Variants in PTGER3 observed in about 807,000 individuals in gnomAD.
The protein encoded by PTGER3 is prostaglandin E2 receptor EP3 subtype.
In PTGER3, 22 loss-of-function variants were observed where a neutral mutation model predicts 34.7. The ratio of observed to expected loss-of-function variants is 0.63; its 90% CI spans 0.45 to 0.91. PTGER3 has a LOEUF of 0.91. Ranked by LOEUF, PTGER3 falls within the 40% of genes least tolerant of loss-of-function variation. PTGER3 has a pLI of 0.00. For missense variants in PTGER3, 468 were observed against 519.4 expected (o/e 0.90, Z 0.96); for synonymous variants, 241 against 230.1 (o/e 1.05, Z -0.43).
intron 1 of PTGER3, among the ~76,000 whole-genome samples, chr1:71,043,922 T>C (rs983730504): frequency 6.6e-6 from 1 of 151,184 alleles, no homozygotes; most frequent in Non-Finnish European, 1.5e-5. Flanking sequence ...GCCTAAGTAA[T>C]TCTCCTGCAT....
At chr1:70,856,580 T>C (rs763035869) in intron 4 of PTGER3, among the ~76,000 whole-genome samples, 22 of 152,306 alleles carry the variant, frequency 1.4e-4, no homozygotes, top group Non-Finnish European at 2.5e-4. Context: ...AGAAATTTGC[T>C]CTGTAATTTT....
In PTGER3 at chr1:71,020,032, A is replaced by G. The variant is rs545420200; in HGVS notation, c.898-7548T>C. ...CCCTATAATTTGATAAGTGTATTTC[A>G]TCATAATACACTAAAACCAGTCTGG... On this transcript the variant is annotated intron_variant, in intron 1 of 3. Transcript: ENST00000306666. Among the ~76,000 whole-genome samples the G allele has an allele frequency of 1.4e-4, 22 of 152,322 alleles. No homozygotes were observed. The South Asian group carries it at 4.2e-3, about 29-fold the overall frequency.
Position 70,971,540 on chromosome 1 carries a change from T to G in PTGER3, c.*190A>C. 2 of 1,238,272 alleles carry G rather than the reference T, an allele frequency of 1.6e-6. No individual in the cohort carries two copies. The highest frequency in any genetic ancestry group is 2.0e-6 in the Non-Finnish European group (2 of 983,282). The allele number at this position is 1,238,272 out of a possible 1,614,324, so 76.7% of individuals were successfully genotyped here. ...CCCATCCAAGAAACCAATCTAATATTCAGAGGCATGGATTATAATAATAAA... is the reference window on the plus strand; with the variant it reads ...CCCATCCAAGAAACCAATCTAATATGCAGAGGCATGGATTATAATAATAAA... On this transcript the variant is annotated 3_prime_UTR_variant, in exon 4 of 4. Transcript: ENST00000306666.
At chr1:70,905,199 C>G (rs1646918964) in intron 4 of PTGER3, among the ~76,000 whole-genome samples, 1 of 152,122 alleles carries the variant, frequency 6.6e-6, no homozygotes, top group Non-Finnish European at 1.5e-5. Flanking sequence ...TGTATGGAAA[C>G]ACCTGGATGC....
chr1:71,037,321 G>A (rs1042199585), intron 1 of PTGER3, among the ~76,000 whole-genome samples: 3 of 152,304 alleles, frequency 2.0e-5, no homozygotes, highest in East Asian at 3.9e-4. Context: ...AGGCTACCAC[G>A]TAGAGCTGCA....
intron 4 of PTGER3, among the ~76,000 whole-genome samples, chr1:70,861,712 A>AG: frequency 6.6e-6 from 1 of 151,806 alleles, no homozygotes; most frequent in East Asian, 1.9e-4. Context: ...AAAAAAAAAA[A>AG]CAAAAACTTC....
intron 1 of PTGER3, among the ~76,000 whole-genome samples, chr1:71,013,565 G>A (rs1439111196): frequency 6.6e-6 from 1 of 151,984 alleles, no homozygotes; most frequent in South Asian, 2.1e-4. Context: ...GGCTGGGTGT[G>A]ATGGTGCATG....
chr1:70,952,629 T>A (rs1285375323), exon 4 of PTGER3: 1 of 1,056,356 alleles, frequency 9.5e-7, no homozygotes, highest in Non-Finnish European at 1.1e-6. Flanking sequence ...ATGAAAAAAT[T>A]TCTGTTGACT....
chr1:70,920,020 A>G (rs1052674461), intron 4 of PTGER3, among the ~76,000 whole-genome samples: 6 of 152,164 alleles, frequency 3.9e-5, no homozygotes, highest in African/African-American at 1.2e-4. Context: ...GCTCACAGTC[A>G]TTTTCTTGTC....
At chr1:70,957,907 A>G (rs1651521865) in intron 2 of PTGER3, among the ~76,000 whole-genome samples, 1 of 152,090 alleles carries the variant, frequency 6.6e-6, no homozygotes, top group Non-Finnish European at 1.5e-5. Context: ...ATGTTTTTAG[A>G]TTTCACATGA....
intron 4 of PTGER3, among the ~76,000 whole-genome samples, chr1:70,891,679 T>C (rs899504891): frequency 6.6e-6 from 1 of 152,236 alleles, no homozygotes; most frequent in African/African-American, 2.4e-5. Context: ...GTGTTCTTGA[T>C]ACAGTCTGCT....
intron 4 of PTGER3, among the ~76,000 whole-genome samples, chr1:70,919,231 G>T (rs1041649272): frequency 2.0e-5 from 3 of 152,092 alleles, no homozygotes; most frequent in Non-Finnish European, 4.4e-5. Flanking sequence ...AATCCAAATA[G>T]ACCCTGAGTT....
At chr1:70,979,558 C>T (rs1654052180) in intron 2 of PTGER3, among the ~76,000 whole-genome samples, 1 of 152,092 alleles carries the variant, frequency 6.6e-6, no homozygotes, top group Admixed American at 6.6e-5. Flanking sequence ...GCCATCATTT[C>T]TAGTCCGGGG....
intron 4 of PTGER3, among the ~76,000 whole-genome samples, chr1:70,893,826 G>C (rs1646668936): frequency 6.6e-6 from 1 of 152,122 alleles, no homozygotes; most frequent in Admixed American, 6.5e-5. Context: ...TTTGTTTGTT[G>C]CTTCCTTGAT....
intron 1 of PTGER3, among the ~76,000 whole-genome samples, chr1:71,039,543 G>A (rs1030376754): frequency 3.3e-5 from 5 of 151,198 alleles, no homozygotes; most frequent in African/African-American, 1.2e-4. Flanking sequence ...CCAGCTACTC[G>A]GGAGGCTGAG....
At chr1:70,952,386 G>C (rs1289931398), downstream of PTGER3, 1 of 977,674 alleles carries the variant, frequency 1.0e-6, no homozygotes, top group African/African-American at 1.8e-5. Context: ...CAAGGTTAAT[G>C]TAGGTTTTAT....
intron 4 of PTGER3, among the ~76,000 whole-genome samples, chr1:70,940,648 A>G (rs1389965852): frequency 6.6e-6 from 1 of 152,188 alleles, no homozygotes; most frequent in East Asian, 1.9e-4. Context: ...TGATAAACCC[A>G]TCAGATCTTG....
Position 71,047,119 on chromosome 1 carries a change from G to A in PTGER3, c.459C>T (p.Val153=). The A allele has an allele frequency of 1.2e-6, 2 of 1,603,140 alleles. No individual in the cohort carries two copies. The highest frequency in any genetic ancestry group is 1.1e-5 in the South Asian group (1 of 90,298). The change falls in exon 1 of 4, where the codon GTC becomes GTT. Residue 153 remains valine, a synonymous_variant. Coordinates refer to ENST00000306666, the MANE Select transcript of PTGER3 (RefSeq NM_198719.2). ...GCGCCCTGATGGCCAGCGCCCGCTC[G>A]ACGGCCATGGCGCTGGCGATGAACA... ...SSLFIASAMA[V]ERALAIRAPH...
downstream of PTGER3, chr1:70,952,313 G>T: frequency 1.5e-6 from 1 of 659,300 alleles, no homozygotes; most frequent in Non-Finnish European, 1.9e-6. Context: ...TCGTGATGGG[G>T]TTATGAACCC....
Sources: allele counts gnomAD v4.1 joint callset (sites outside exome capture counted in the v4.1 genomes callset), GRCh38; gene constraint gnomAD v4.1.1; transcripts MANE v1.5; gene names NCBI Gene and HGNC (gene_info 2026-07-23, HGNC 2026-07-21).